ADAMTS12: variants seen among roughly 807,000 people sequenced by gnomAD.
ADAMTS12 encodes the protein ADAM metallopeptidase with thrombospondin type 1 motif 12, also known as A disintegrin and metalloproteinase with thrombospondin motifs 12.
ADAMTS12 carries 118 observed loss-of-function variants against 167.8 expected under a neutral mutation model. That is an observed-to-expected ratio of 0.70 (90% CI 0.61 to 0.82). The LOEUF (loss-of-function observed/expected upper bound fraction) is 0.82, where lower values mean the gene tolerates loss of function less well. Ranked by LOEUF, ADAMTS12 falls within the 40% of genes least tolerant of loss-of-function variation. The probability of loss-of-function intolerance (pLI) is 0.00; values close to 1 mark genes in which losing one functional copy is unlikely to be tolerated. For synonymous variants in ADAMTS12, 704 were observed against 716.9 expected (o/e 0.98, Z 0.29); for missense variants, 1,916 against 1,998.8 (o/e 0.96, Z 0.79).
At chr5:33,588,152 G>C (rs1316126846) in intron 18 of ADAMTS12, among the ~76,000 whole-genome samples, 1 of 152,214 alleles carries the variant, frequency 6.6e-6, no homozygotes, top group Non-Finnish European at 1.5e-5. Flanking sequence ...GACACATGGT[G>C]AATAGATGGA....
chr5:33,845,539 T>C (rs1321617719), intron 2 of ADAMTS12, among the ~76,000 whole-genome samples: 1 of 152,192 alleles, frequency 6.6e-6, no homozygotes. Context: ...GACATAAGCA[T>C]AAGACCATAC....
At chr5:33,601,990 C>T (rs1042197996) in intron 16 of ADAMTS12, among the ~76,000 whole-genome samples, 1 of 140,966 alleles carries the variant, frequency 7.1e-6, no homozygotes, top group Non-Finnish European at 1.6e-5. Flanking sequence ...TTATGACTCC[C>T]TTTCTGTGTC....
chr5:33,647,931 T>A (rs1197162353), intron 9 of ADAMTS12, among the ~76,000 whole-genome samples: 1 of 152,256 alleles, frequency 6.6e-6, no homozygotes, highest in Non-Finnish European at 1.5e-5. Context: ...GTATTAAAAT[T>A]TTTATGCCTG....
At chr5:33,747,518 A>G (rs1011584661) in intron 3 of ADAMTS12, among the ~76,000 whole-genome samples, 1 of 152,176 alleles carries the variant, frequency 6.6e-6, no homozygotes, top group African/African-American at 2.4e-5. Flanking sequence ...ATTGGTTACT[A>G]ATTTCATTCC....
rs1357535429 is a variant in ADAMTS12, at chr5:33,848,454, C to G, written c.489+32665G>C. On this transcript the variant is annotated intron_variant, in intron 2 of 23. Transcript: ENST00000504830. ...GAATGTGAAATGTTGAAGACAAGAA[C>G]AAGATCTATACAAGATTTTAAGAAA... Among the ~76,000 whole-genome samples, 3 of 152,148 alleles carry G rather than the reference C, an allele frequency of 2.0e-5. No homozygotes were observed. In the South Asian group the frequency reaches 6.2e-4, roughly 32 times the overall value.
chr5:33,615,376 T>C lies in ADAMTS12; in HGVS notation c.2388+452A>G, dbSNP rs113594240. Among the ~76,000 whole-genome samples, 166 of 152,358 alleles carry C rather than the reference T, an allele frequency of 1.1e-3. 1 individual carries two copies. The highest frequency in any genetic ancestry group is 2.7e-3 in the Admixed American group (42 of 15,308). ...CTTTTCTACAGTTCTGTGCCCAATA[T>C]GAAAGATAAATTTCTTGGACCTTTG... On this transcript the variant is annotated intron_variant, in intron 15 of 23. Coordinates refer to ENST00000504830, the MANE Select transcript of ADAMTS12 (RefSeq NM_030955.4).
chr5:33,588,489 G>C, intron 18 of ADAMTS12, 110 bp downstream of exon 18: 1 of 1,294,356 alleles, frequency 7.7e-7, no homozygotes, highest in Non-Finnish European at 1.1e-6. Context: ...GATGAACACT[G>C]GCTATTTTGC....
chr5:33,565,182 G>T (rs541852508), intron 19 of ADAMTS12, among the ~76,000 whole-genome samples: 15 of 152,196 alleles, frequency 9.9e-5, no homozygotes, highest in South Asian at 8.3e-4. Context: ...TTAAGACAGG[G>T]TGTCACTCTG....
chr5:33,678,106 C>A (rs755866028), intron 5 of ADAMTS12, among the ~76,000 whole-genome samples: 15 of 152,174 alleles, frequency 9.9e-5, no homozygotes, highest in Non-Finnish European at 1.9e-4. Context: ...CTCAGAGACC[C>A]AATCTCGGGA....
intron 3 of ADAMTS12, among the ~76,000 whole-genome samples, chr5:33,741,342 T>C (rs1420169793): frequency 6.6e-6 from 1 of 152,208 alleles, no homozygotes; most frequent in African/African-American, 2.4e-5. Flanking sequence ...GGCTTGCAGA[T>C]GGGGCTTTCT....
At chr5:33,698,125 C>T (rs1337268867) in intron 3 of ADAMTS12, among the ~76,000 whole-genome samples, 1 of 152,222 alleles carries the variant, frequency 6.6e-6, no homozygotes, top group Admixed American at 6.5e-5. Flanking sequence ...GAATGAACGT[C>T]TGGCTTTTTG....
At chr5:33,543,362 C>A (rs1360823968) in intron 22 of ADAMTS12, among the ~76,000 whole-genome samples, 6 of 152,060 alleles carry the variant, frequency 3.9e-5, no homozygotes, top group Non-Finnish European at 8.8e-5. Flanking sequence ...GAAATTGAGG[C>A]AATAATTAAC....
At chr5:33,649,338 G>A (rs1434858903) in intron 8 of ADAMTS12, among the ~76,000 whole-genome samples, 1 of 152,308 alleles carries the variant, frequency 6.6e-6, no homozygotes, top group Non-Finnish European at 1.5e-5. Flanking sequence ...GGATGGGACA[G>A]GATGCTCACC....
intron 2 of ADAMTS12, among the ~76,000 whole-genome samples, chr5:33,773,997 G>A (rs1053684646): frequency 2.6e-5 from 4 of 152,136 alleles, no homozygotes; most frequent in Non-Finnish European, 4.4e-5. Context: ...CTCCACTACT[G>A]GGGGTGTGGC....
intron 2 of ADAMTS12, among the ~76,000 whole-genome samples, chr5:33,764,174 G>A (rs943067765): frequency 3.3e-5 from 5 of 152,146 alleles, no homozygotes; most frequent in Admixed American, 2.0e-4. Context: ...CATTTCCAGC[G>A]AGGAGAGACT....
chr5:33,714,477 A>T (rs1457728299), intron 3 of ADAMTS12, among the ~76,000 whole-genome samples: 2 of 152,126 alleles, frequency 1.3e-5, no homozygotes, highest in African/African-American at 4.8e-5. Flanking sequence ...GGAAATCAGT[A>T]TGTCAAAGGG....
intron 3 of ADAMTS12, among the ~76,000 whole-genome samples, chr5:33,735,091 T>C (rs533534140): frequency 6.6e-6 from 1 of 152,362 alleles, no homozygotes; most frequent in East Asian, 1.9e-4. Context: ...TTTACCTTAA[T>C]AAGTTTTACA....
At chr5:33,797,539 C>T (rs534394313) in intron 2 of ADAMTS12, among the ~76,000 whole-genome samples, 1 of 152,038 alleles carries the variant, frequency 6.6e-6, no homozygotes, top group South Asian at 2.1e-4. Flanking sequence ...TGGCTGAGCG[C>T]AGAAGCCAAA....
At chr5:33,663,295 C>T (rs768398617) in intron 5 of ADAMTS12, among the ~76,000 whole-genome samples, 5 of 152,134 alleles carry the variant, frequency 3.3e-5, no homozygotes, top group South Asian at 4.1e-4. Context: ...ATGAGGGAGT[C>T]GGCCTCCAAT....
Sources: allele counts gnomAD v4.1 joint callset (sites outside exome capture counted in the v4.1 genomes callset), GRCh38; gene constraint gnomAD v4.1.1; transcripts MANE v1.5; gene names NCBI Gene and HGNC (gene_info 2026-07-23, HGNC 2026-07-21).